Variants in HMCN1 observed in about 807,000 individuals in gnomAD.
HMCN1 encodes hemicentin-1.
In HMCN1, 321 loss-of-function variants were observed where a neutral mutation model predicts 625.9. The observed-to-expected ratio is 0.51, with a 90% CI of 0.47 to 0.56. The LOEUF (loss-of-function observed/expected upper bound fraction) is 0.56, where lower values mean the gene tolerates loss of function less well. Ranked by LOEUF, HMCN1 falls within the 20% of genes least tolerant of loss-of-function variation. The probability of loss-of-function intolerance (pLI) is 0.00; values close to 1 mark genes in which losing one functional copy is unlikely to be tolerated. For missense variants in HMCN1, 6,588 were observed against 6,887.3 expected, an observed-to-expected ratio of 0.96 and a Z score of 1.54; for synonymous variants, 2,425 against 2,417.6, an observed-to-expected ratio of 1.00 and a Z score of -0.09.
intron 24 of HMCN1, among the ~76,000 whole-genome samples, chr1:185,997,023 T>C (rs1652839671): frequency 6.6e-6 from 1 of 152,072 alleles, no homozygotes; most frequent in Non-Finnish European, 1.5e-5. Flanking sequence ...TCTATTGGAA[T>C]AGCCTGGTAA....
In HMCN1 at chr1:186,108,562, G is replaced by A. The variant is rs370395405; in HGVS notation, c.10954G>A (p.Val3652Ile). 51 of 1,613,956 alleles carry A rather than the reference G, an allele frequency of 3.2e-5. No homozygotes were observed. Among genetic ancestry groups the A allele is most frequent in the Admixed American group, 3.3e-5 (2 of 59,986 alleles). Residue 3652 changes from valine (V) to isoleucine (I), a missense_variant, in exon 71 of 107, where the codon GTA becomes ATA. Physicochemically the swap from Val to Ile is conservative, Grantham distance 29 (BLOSUM62 3). Around this residue, in one of 3 missense-constraint regions of HMCN1, gnomAD observed 4,628 missense variants for 4,853.1 expected, o/e 0.95. Transcript: ENST00000271588. ...CAAGTCAGATGCAGTGCCCCCACCT[G>A]TAATTACTTGGCTCAGAAATGGAGA... ...ECKSDAVPPP[V>I]ITWLRNGERL...
At chr1:185,927,291 T>G (rs1217393085) in intron 9 of HMCN1, among the ~76,000 whole-genome samples, 3 of 152,200 alleles carry the variant, frequency 2.0e-5, no homozygotes, top group African/African-American at 7.2e-5. Flanking sequence ...TACAAATTTG[T>G]GCTTAGTATA....
intron 1 of HMCN1, among the ~76,000 whole-genome samples, chr1:185,770,265 G>A (rs1273440089): frequency 6.6e-6 from 1 of 152,120 alleles, no homozygotes; most frequent in Non-Finnish European, 1.5e-5. Context: ...AATGAACAAG[G>A]ATTTAGACTT....
chr1:185,846,068 A>G lies in HMCN1; in HGVS notation c.311A>G (p.Gln104Arg). The change falls in exon 2 of 107, where the codon CAA becomes CGA. Residue 104 changes from glutamine (Q) to arginine (R), a missense_variant. By Grantham distance (43) the Gln-to-Arg change is conservative. This residue lies in a region of HMCN1 where 4,628 missense variants were observed against 4,853.1 expected (regional missense o/e 0.95). Coordinates refer to ENST00000271588, the MANE Select transcript of HMCN1 (RefSeq NM_031935.3). ...ATTACCACAGATCCCAAGAAATTTC[A>G]ATATGAACTCAGAGAACTGTATGTT... ...VTITTDPKKF[Q>R]YELRELYVQG... 6.2e-7 allele frequency: 1 copy of G among 1,612,620 alleles called. No homozygotes were observed. Among genetic ancestry groups the G allele is most frequent in the Non-Finnish European group, 8.5e-7 (1 of 1,178,796 alleles).
rs112983014 is a variant in HMCN1, at chr1:186,087,400, C to T, written c.9161-43C>T. On this transcript the variant is annotated intron_variant, in intron 59 of 106. Transcript: ENST00000271588. Reference sequence around the variant, plus strand: ...GTATTCAATATTTTCTATCTGAGCACCTTAATGAAAAAGAAAATCCTTCTG... The same window carrying T: ...GTATTCAATATTTTCTATCTGAGCATCTTAATGAAAAAGAAAATCCTTCTG... 37 of 1,605,154 alleles carry T rather than the reference C, an allele frequency of 2.3e-5. No individual in the cohort carries two copies. The Admixed American group carries it at 4.7e-4, about 20-fold the overall frequency.
intron 24 of HMCN1, among the ~76,000 whole-genome samples, chr1:185,996,503 C>T (rs1652799748): frequency 6.6e-6 from 1 of 152,030 alleles, no homozygotes. Context: ...ATTCTAAATG[C>T]AATAAGAAGA....
At chr1:185,995,744 A>G (rs1422003405) in intron 24 of HMCN1, among the ~76,000 whole-genome samples, 2 of 152,130 alleles carry the variant, frequency 1.3e-5, no homozygotes, top group Non-Finnish European at 2.9e-5. Flanking sequence ...AGATTAGACT[A>G]TCAAGCAGGA....
chr1:186,184,143 A>G (rs752721790), intron 105 of HMCN1, among the ~76,000 whole-genome samples: 1 of 152,206 alleles, frequency 6.6e-6, no homozygotes, highest in Non-Finnish European at 1.5e-5. Context: ...GTGGAAAATG[A>G]CGTGGTCAAA....
Position 186,015,230 on chromosome 1 carries a change from G to T in HMCN1, c.4702G>T (p.Glu1568Ter). 6.2e-7 allele frequency: 1 copy of T among 1,613,716 alleles called. No individual in the cohort carries two copies. The highest frequency in any genetic ancestry group is 8.5e-7 in the Non-Finnish European group (1 of 1,179,726). Residue 1568 changes from glutamate to a stop codon, truncating the protein, a stop_gained, in exon 31 of 107, where the codon GAA (glutamate) becomes TAA (stop). Coordinates refer to ENST00000271588, the MANE Select transcript of HMCN1 (RefSeq NM_031935.3). LOFTEE classifies it high-confidence loss of function. ...ATTGATCAACAGCCTTATTAAACTG[G>T]AATGTGAAACACGGGGACTTCCAAT... is the stretch of plus-strand genomic sequence containing the variant. ...SVLINSLIKL[E>*]CETRGLPMPA... is the part of the protein sequence containing the mutation.
intron 30 of HMCN1, among the ~76,000 whole-genome samples, chr1:186,013,705 T>C (rs1654146387): frequency 6.6e-6 from 1 of 151,818 alleles, no homozygotes; most frequent in South Asian, 2.1e-4. Flanking sequence ...CAAAACAAAA[T>C]AAAATAATAA....
Position 185,900,432 on chromosome 1 carries a change from A to G in HMCN1, c.622-8905A>G, listed in dbSNP as rs188291893. Among the ~76,000 whole-genome samples the G allele has an allele frequency of 7.7e-4, 116 of 149,858 alleles. 1 individual carries two copies. The highest frequency in any genetic ancestry group is 6.2e-4 in the South Asian group (3 of 4,814). On this transcript the variant is annotated intron_variant, in intron 4 of 106. Transcript: ENST00000271588. ...TAAAGATTAGAGGGGATCTGGAAAGAGTTAGTGTTAGTGAGATTTTTGTGC... is the reference window on the plus strand; with the variant it reads ...TAAAGATTAGAGGGGATCTGGAAAGGGTTAGTGTTAGTGAGATTTTTGTGC...
At chr1:185,744,437 T>G (rs1654244376) in intron 1 of HMCN1, among the ~76,000 whole-genome samples, 1 of 152,182 alleles carries the variant, frequency 6.6e-6, no homozygotes, top group Admixed American at 6.5e-5. Context: ...CCTAGGCCAC[T>G]GCCTCATAAT....
At chr1:185,797,135 A>G (rs1658442734) in intron 1 of HMCN1, among the ~76,000 whole-genome samples, 1 of 152,040 alleles carries the variant, frequency 6.6e-6, no homozygotes, top group African/African-American at 2.4e-5. Context: ...GGCCATTTGT[A>G]TGTCTTCATT....
rs1660917852 is a variant in HMCN1 at position 185,832,307 on chromosome 1, A to T, written c.269-13719A>T. Among the ~76,000 whole-genome samples, 8 of 152,236 alleles carry T rather than the reference A, an allele frequency of 5.3e-5. No individual in the cohort carries two copies. In the South Asian group the frequency reaches 1.5e-3, roughly 28 times the overall value. On this transcript the variant is annotated intron_variant, in intron 1 of 106. Transcript: ENST00000271588. Reference sequence around the variant, plus strand: ...AAACTCTCTCAAAAAAACAAAAAATAAAAAAATAAAGTTGATATGGAAAAA... The same window carrying T: ...AAACTCTCTCAAAAAAACAAAAAATTAAAAAATAAAGTTGATATGGAAAAA...
chr1:186,029,911 G>T (rs537050118), intron 36 of HMCN1, among the ~76,000 whole-genome samples: 80 of 151,790 alleles, frequency 5.3e-4, no homozygotes, highest in South Asian at 8.3e-4. Context: ...CACAAGTTTT[G>T]GCATGTTTTT....
rs1445960497 is a variant in HMCN1 at position 185,765,999 on chromosome 1, C to T, written c.268+30952C>T. On this transcript the variant is annotated intron_variant, in intron 1 of 106. Coordinates refer to ENST00000271588, the MANE Select transcript of HMCN1 (RefSeq NM_031935.3). ...AGCTACTCCTGGGGTTCTGTGTACC[C>T]ATATCCTTATGACTACCTCCAGGTA... Among the ~76,000 whole-genome samples the T allele has an allele frequency of 2.0e-5, 3 of 152,204 alleles. 1 individual carries two copies. In the East Asian group the frequency reaches 5.8e-4, roughly 29 times the overall value.
rs559323979 is a variant in HMCN1, at chr1:186,098,907, G to T, written c.10573+3386G>T. Reference sequence around the variant, plus strand: ...ATGAACCTGGAGAACATTAAACTATGTGAAATTAGCCAGGCACAGAAAGAA... The same window carrying T: ...ATGAACCTGGAGAACATTAAACTATTTGAAATTAGCCAGGCACAGAAAGAA... On this transcript the variant is annotated intron_variant, in intron 68 of 106. Transcript: ENST00000271588. Among the ~76,000 whole-genome samples, 6 of 152,206 alleles carry T rather than the reference G, an allele frequency of 3.9e-5. No individual in the cohort carries two copies. In the East Asian group the frequency reaches 1.2e-3, roughly 29 times the overall value.
In HMCN1 at chr1:185,799,849, G is replaced by T. The variant is rs866518167; in HGVS notation, c.269-46177G>T. ...GACCTTTATTAACCAGAAATACTGA[G>T]CTGTCTCAGGTGATGGGTGGGGCTA... On this transcript the variant is annotated intron_variant, in intron 1 of 106. Coordinates refer to ENST00000271588, the MANE Select transcript of HMCN1 (RefSeq NM_031935.3). 3.9e-5 allele frequency among the ~76,000 whole-genome samples: 6 copies of T among 152,306 alleles called. No individual in the cohort carries two copies. The Middle Eastern group carries it at 0.017, about 432-fold the overall frequency.
chr1:186,136,566 A>G, intron 86 of HMCN1, 102 bp from the exon 87 acceptor site: 2 of 1,079,070 alleles, frequency 1.9e-6, no homozygotes, highest in Non-Finnish European at 2.8e-6. Context: ...TTTTATAAAC[A>G]AATCAATCAC....
Sources: gnomAD v4.1 joint callset for allele counts (sites outside exome capture counted in the v4.1 genomes callset) on GRCh38, gnomAD v4.1.1 for gene constraint, gnomAD v4.1.1 regional missense constraint, MANE v1.5 for transcripts, NCBI Gene and HGNC (gene_info 2026-07-23, HGNC 2026-07-21) for gene names.